IPO13: variants seen among roughly 807,000 people sequenced by gnomAD.
IPO13 encodes the protein importin-13.
A neutral mutation model predicts 115.5 loss-of-function variants in IPO13; 28 were observed. The ratio of observed to expected loss-of-function variants is 0.24; its 90% CI spans 0.18 to 0.33. The LOEUF (loss-of-function observed/expected upper bound fraction) is 0.33, where lower values mean the gene tolerates loss of function less well. IPO13 is among the 10% of genes least tolerant of loss of function. The pLI is 1.00. For missense variants in IPO13, 785 were observed against 1,204.6 expected (o/e 0.65, Z 5.16); for synonymous variants, 414 against 478.9 (o/e 0.86, Z 1.77).
intron 1 of IPO13, among the ~76,000 whole-genome samples, 181 bp downstream of exon 1, chr1:43,947,865 C>A (rs2085178331): frequency 6.6e-6 from 1 of 152,184 alleles, no homozygotes; most frequent in Non-Finnish European, 1.5e-5. Flanking sequence ...TTTTGTCTTT[C>A]CTTACAGGCA....
rs577633007 is a variant in IPO13 at position 43,949,231 on chromosome 1, G to T, written c.85-186G>T. 7.0e-5 allele frequency: 42 copies of T among 600,312 alleles called. No individual in the cohort carries two copies. In the Admixed American group the frequency reaches 1.2e-3, roughly 17 times the overall value. The allele number at this position is 600,312 out of a possible 1,614,324, so 37.2% of individuals were successfully genotyped here. A position where few individuals can be genotyped will look rare whatever the true frequency, so the allele number is the denominator to read the frequency against. On this transcript the variant is annotated intron_variant, in intron 1 of 19. Coordinates refer to ENST00000372343, the MANE Select transcript of IPO13 (RefSeq NM_014652.4). ...GAGGATATGGTAGAGCATGGGCAAGGTTCAGGCTCTCAAGATATCAGCAGG... is the reference window on the plus strand; with the variant it reads ...GAGGATATGGTAGAGCATGGGCAAGTTTCAGGCTCTCAAGATATCAGCAGG...
chr1:43,958,510 C>T lies in IPO13; in HGVS notation c.1799C>T (p.Ala600Val), dbSNP rs1300510997. ...CAGGCGCTGGGCTTCCTGCTGTCAG[C>T]TCTTCAAGTGGAGGAGATCCTTAAG... is the stretch of plus-strand genomic sequence containing the variant. The part of the protein sequence containing the change: ...LMQALGFLLS[A>V]LQVEEILKNL... Residue 600 changes from alanine to valine, a missense_variant, in exon 10 of 20, where the codon GCT (alanine) becomes GTT (valine). By Grantham distance (64) the Ala-to-Val change is moderately conservative (BLOSUM62 0). This residue lies in a region of IPO13 where 175 missense variants were observed against 360.0 expected (regional missense o/e 0.49). Coordinates refer to ENST00000372343, the MANE Select transcript of IPO13 (RefSeq NM_014652.4). The surrounding 1 kb of genome is among the most constrained non-coding windows in gnomAD (Gnocchi z 6.3). 1 of 1,614,168 alleles carries T rather than the reference C, an allele frequency of 6.2e-7. No homozygotes were observed. Among genetic ancestry groups the T allele is most frequent in the Non-Finnish European group, 8.5e-7 (1 of 1,180,036 alleles).
In IPO13 at chr1:43,958,327, T is replaced by C; in HGVS notation, c.1749+59T>C. On this transcript the variant is annotated intron_variant, in intron 9 of 19. Coordinates refer to ENST00000372343, the MANE Select transcript of IPO13 (RefSeq NM_014652.4). The surrounding 1 kb of genome is among the most constrained non-coding windows in gnomAD (Gnocchi z 6.3). Reference sequence around the variant, plus strand: ...AGGTCTTGTGGGAATCACTTATCCCTGAAATCCTGTTTTTTGGCCTTCCCC... The same window carrying C: ...AGGTCTTGTGGGAATCACTTATCCCCGAAATCCTGTTTTTTGGCCTTCCCC... 1.2e-6 allele frequency: 2 copies of C among 1,611,474 alleles called. No individual in the cohort carries two copies. The highest frequency in any genetic ancestry group is 2.2e-5 in the East Asian group (1 of 44,858).
rs373347796 is a variant in IPO13 at position 43,957,397 on chromosome 1, C to T, written c.1393-5C>T. The T allele has an allele frequency of 5.6e-6, 9 of 1,614,012 alleles. No individual in the cohort carries two copies. In the African/African-American group the frequency reaches 1.1e-4, roughly 19 times the overall value. ...ATCCAAGCCAGTGGCACCCTCTTTC[C>T]CCAGCACACAGAGGCCCTCCTCTAC... On this transcript the variant is annotated splice_region_variant and splice_polypyrimidine_tract_variant and intron_variant, in intron 6 of 19. Transcript: ENST00000372343.
chr1:43,965,120 A>T (rs1455949420), intron 15 of IPO13, among the ~76,000 whole-genome samples: 1 of 151,898 alleles, frequency 6.6e-6, no homozygotes, highest in Non-Finnish European at 1.5e-5. Flanking sequence ...AGTGTATATT[A>T]TGGAGGATAG....
chr1:43,962,356 C>G (rs1008223892), intron 14 of IPO13, among the ~76,000 whole-genome samples: 11 of 152,224 alleles, frequency 7.2e-5, no homozygotes, highest in African/African-American at 2.7e-4. Context: ...TATCAGCAAC[C>G]TTCTAGTGGG....
chr1:43,957,283 C>T lies in IPO13; in HGVS notation c.1360C>T (p.Leu454Phe). 1.9e-6 allele frequency: 3 copies of T among 1,614,102 alleles called. No homozygotes were observed. The highest frequency in any genetic ancestry group is 2.5e-6 in the Non-Finnish European group (3 of 1,180,014). Reference sequence around the variant, plus strand: ...CCTCTATGACAAGCTGGGTCGTTTGCTCACCAGCTCAGAGGAGCCCTACTC... The same window carrying T: ...CCTCTATGACAAGCTGGGTCGTTTGTTCACCAGCTCAGAGGAGCCCTACTC... ...SNLYDKLGRLLTSSEEPYSWQ... is the reference protein window; with the variant it reads ...SNLYDKLGRLFTSSEEPYSWQ... The change falls in exon 6 of 20, where the codon CTC becomes TTC. Residue 454 changes from leucine (L) to phenylalanine (F), a missense_variant. Physicochemically the swap from Leu to Phe is conservative, Grantham distance 22. This residue lies in a region of IPO13 where 175 missense variants were observed against 360.0 expected (regional missense o/e 0.49). Transcript: ENST00000372343.
intron 2 of IPO13, chr1:43,953,319 C>T (rs576753334): frequency 9.8e-5 from 15 of 152,372 alleles, no homozygotes; most frequent in African/African-American, 3.4e-4. Context: ...TGGAGCCAGG[C>T]CTCTTGAACC....
Position 43,963,262 on chromosome 1 carries a change from G to C in IPO13, c.2345-1007G>C, listed in dbSNP as rs113324821. Among the ~76,000 whole-genome samples the C allele has an allele frequency of 3.8e-3, 576 of 152,332 alleles. 7 individuals carry two copies. The highest frequency in any genetic ancestry group is 0.013 in the African/African-American group (533 of 41,584). ...ACCACATCCTCCTGAGAGTGGAGAA[G>C]CCTGGGTAGGAGCTCCAGGTGCATG... On this transcript the variant is annotated intron_variant, in intron 14 of 19. Transcript: ENST00000372343.
In IPO13 at chr1:43,967,407, G is replaced by T; in HGVS notation, c.2706G>T (p.Met902Ile). 1.2e-6 allele frequency: 2 copies of T among 1,614,158 alleles called. No homozygotes were observed. Among genetic ancestry groups the T allele is most frequent in the Non-Finnish European group, 1.7e-6 (2 of 1,180,016 alleles). ...LNKHCFSLLS[M>I]WIKEALQPPG... is the part of the protein sequence containing the mutation. The stretch of plus-strand genomic sequence containing the variant: ...AGCACTGCTTCAGCCTCCTGAGCAT[G>T]TGGATCAAGGAGGCCCTGCAGCCAC... Residue 902 changes from methionine to isoleucine, a missense_variant, in exon 19 of 20, where the codon ATG becomes ATT. This residue lies in a region of IPO13 where 285 missense variants were observed against 394.8 expected (regional missense o/e 0.72). Coordinates refer to ENST00000372343, the MANE Select transcript of IPO13 (RefSeq NM_014652.4). The surrounding 1 kb of genome is among the most constrained non-coding windows in gnomAD (Gnocchi z 6.1).
intron 12 of IPO13, 37 bp downstream of exon 12, chr1:43,960,366 C>G (rs2085281414): frequency 1.7e-5 from 27 of 1,567,442 alleles, no homozygotes; most frequent in Non-Finnish European, 2.2e-5. Flanking sequence ...CCCATAGTGA[C>G]TGCTCAGAGG....
intron 1 of IPO13, among the ~76,000 whole-genome samples, chr1:43,948,562 G>C (rs1329920500): frequency 2.0e-5 from 3 of 152,242 alleles, no homozygotes; most frequent in East Asian, 1.9e-4. Context: ...GGCCATAACT[G>C]GCTGTCAGGG....
chr1:43,953,508 C>T (rs1300762484), intron 2 of IPO13: 7 of 152,180 alleles, frequency 4.6e-5, no homozygotes, highest in Admixed American at 1.3e-4. Context: ...GCCCAGAATC[C>T]GAGCCTGGCC....
intron 1 of IPO13, among the ~76,000 whole-genome samples, chr1:43,948,960 C>G (rs935551984): frequency 2.6e-5 from 4 of 152,210 alleles, no homozygotes; most frequent in Non-Finnish European, 5.9e-5. Context: ...CTGGACTGAC[C>G]TAGGGATGAT....
At position 43,967,447 on chromosome 1, in the gene IPO13, G is replaced by A; in HGVS notation, c.2746G>A (p.Ala916Thr). The change falls in exon 19 of 20, where the codon GCC becomes ACC. Residue 916 changes from alanine to threonine, a missense_variant. Physicochemically the swap from Ala to Thr is moderately conservative, Grantham distance 58 (BLOSUM62 0). Around this residue, in one of 3 missense-constraint regions of IPO13, gnomAD observed 285 missense variants for 394.8 expected, o/e 0.72. Coordinates refer to ENST00000372343, the MANE Select transcript of IPO13 (RefSeq NM_014652.4). The surrounding 1 kb of genome is among the most constrained non-coding windows in gnomAD (Gnocchi z 6.1). ...CCTGCAGCCACCTGGTTTCCCCTCT[G>A]CCCGCCTCAGCCCTGAACAGAAGGA... is the stretch of plus-strand genomic sequence containing the variant. ...EALQPPGFPS[A>T]RLSPEQKDTF... 6.2e-7 allele frequency: 1 copy of A among 1,614,142 alleles called. No homozygotes were observed. The highest frequency in any genetic ancestry group is 8.5e-7 in the Non-Finnish European group (1 of 1,180,014).
chr1:43,956,199 C>T lies in IPO13; in HGVS notation c.822-121C>T, dbSNP rs1393025261. 9 of 1,147,942 alleles carry T rather than the reference C, an allele frequency of 7.8e-6. No homozygotes were observed. The highest frequency in any genetic ancestry group is 4.7e-5 in the African/African-American group (3 of 64,196). 71.1% of individuals were successfully genotyped at this position (1,147,942 alleles called of 1,614,324 possible). Reference sequence around the variant, plus strand: ...CATGTAGACCCTGACCCTTTTTTTGCTTAGGATTTGATAAGGGAAGGGGAG... The same window carrying T: ...CATGTAGACCCTGACCCTTTTTTTGTTTAGGATTTGATAAGGGAAGGGGAG... On this transcript the variant is annotated intron_variant, in intron 2 of 19. Coordinates refer to ENST00000372343, the MANE Select transcript of IPO13 (RefSeq NM_014652.4). The surrounding 1 kb of genome is among the most constrained non-coding windows in gnomAD (Gnocchi z 4.7).
At chr1:43,960,792 C>T (rs1012301251) in intron 12 of IPO13, 84 bp from the exon 13 acceptor site, 62 of 1,530,004 alleles carry the variant, frequency 4.1e-5, no homozygotes, top group African/African-American at 9.6e-5. Flanking sequence ...AGGGCCCAAT[C>T]GTAGGCCCCC....
intron 14 of IPO13, among the ~76,000 whole-genome samples, chr1:43,962,023 C>G (rs1266327684): frequency 1.3e-5 from 2 of 152,076 alleles, no homozygotes; most frequent in Non-Finnish European, 2.9e-5. Context: ...GCTCAGCTAG[C>G]CTCATGAGCC....
intron 15 of IPO13, 86 bp downstream of exon 15, chr1:43,964,407 C>G: frequency 8.4e-7 from 1 of 1,188,498 alleles, no homozygotes; most frequent in South Asian, 1.3e-5. Context: ...CTATTTTTAG[C>G]TTTCTGTTGA....
Sources: gnomAD v4.1 joint callset for allele counts (sites outside exome capture counted in the v4.1 genomes callset) on GRCh38, gnomAD v4.1.1 for gene constraint, gnomAD v4.1.1 regional missense constraint, Gnocchi (gnomAD v3.1) non-coding constraint, MANE v1.5 for transcripts, NCBI Gene and HGNC (gene_info 2026-07-23, HGNC 2026-07-21) for gene names.